SEMA3A: variants seen among roughly 807,000 people sequenced by gnomAD.
SEMA3A encodes semaphorin-3A.
In SEMA3A, 29 loss-of-function variants were observed where a neutral mutation model predicts 97.9. The observed-to-expected ratio is 0.30, with a 90% CI of 0.22 to 0.40. The LOEUF is 0.40. SEMA3A is among the 10% of genes least tolerant of loss of function. The pLI, the probability that SEMA3A is intolerant of heterozygous loss-of-function variation, is 1.00. For synonymous variants in SEMA3A, 321 were observed against 323.7 expected (o/e 0.99, Z 0.09); for missense variants, 763 against 951.3 (o/e 0.80, Z 2.60).
intron 2 of SEMA3A, among the ~76,000 whole-genome samples, chr7:84,317,891 T>C (rs868692507): frequency 1.2e-4 from 18 of 152,188 alleles, no homozygotes; most frequent in South Asian, 2.1e-4. Context: ...TAAGGTATAT[T>C]TGTTTCTTAA....
intron 5 of SEMA3A, among the ~76,000 whole-genome samples, chr7:84,049,878 C>A (rs530993263): frequency 8.4e-6 from 1 of 119,688 alleles, no homozygotes; most frequent in East Asian, 2.8e-4. Context: ...CCCCACCCCA[C>A]CACAGTCCCC....
At chr7:84,449,668 T>C (rs998512676) in intron 1 of SEMA3A, among the ~76,000 whole-genome samples, 4 of 152,088 alleles carry the variant, frequency 2.6e-5, no homozygotes, top group Admixed American at 1.3e-4. Context: ...CAAATATACG[T>C]TGAGTATATT....
At position 84,031,554 on chromosome 7, in the gene SEMA3A, C is replaced by A. The variant is rs539059842; in HGVS notation, c.667+14770G>T. Among the ~76,000 whole-genome samples, 7 of 152,078 alleles carry A rather than the reference C, an allele frequency of 4.6e-5. No individual in the cohort carries two copies. The East Asian group carries it at 9.7e-4, about 21-fold the overall frequency. On this transcript the variant is annotated intron_variant, in intron 6 of 16. Coordinates refer to ENST00000265362, the MANE Select transcript of SEMA3A (RefSeq NM_006080.3). ...TGTTTTTTGTATTAAAGTGTCCTGG[C>A]TGGGTGCGGTGGCTCACGCCTGTAA... is the stretch of plus-strand genomic sequence containing the variant.
intron 1 of SEMA3A, among the ~76,000 whole-genome samples, chr7:84,193,380 C>T (rs1198082349): frequency 1.3e-5 from 2 of 151,962 alleles, no homozygotes; most frequent in African/African-American, 4.8e-5. Flanking sequence ...GACATCTCTA[C>T]AAATACCTTC....
chr7:84,263,205 AT>A (rs141091082), intron 3 of SEMA3A, among the ~76,000 whole-genome samples: 5,218 of 152,090 alleles, frequency 0.034, 299 homozygotes, highest in African/African-American at 0.12. Context: ...AATACATTGC[AT>A]TTTGTGGATA....
chr7:84,322,004 A>AAACTTATCATGGTGG (rs2115912534), intron 2 of SEMA3A, among the ~76,000 whole-genome samples: 1 of 151,872 alleles, frequency 6.6e-6, no homozygotes, highest in African/African-American at 2.4e-5. Context: ...AGGACTCGGA[A>AAACTTATCATGGTGG]AACTTATCAT....
intron 3 of SEMA3A, among the ~76,000 whole-genome samples, chr7:84,289,264 C>G (rs1800678257): frequency 6.6e-6 from 1 of 152,026 alleles, no homozygotes; most frequent in Non-Finnish European, 1.5e-5. Context: ...TACAAAACTA[C>G]AGTTAGATAG....
chr7:84,229,517 A>C (rs1799069040), intron 3 of SEMA3A, among the ~76,000 whole-genome samples: 1 of 152,136 alleles, frequency 6.6e-6, no homozygotes, highest in Non-Finnish European at 1.5e-5. Context: ...TTTTCCAGAC[A>C]AATTCTTTTA....
chr7:84,303,385 A>C (rs1488252434), intron 3 of SEMA3A, among the ~76,000 whole-genome samples: 1 of 152,142 alleles, frequency 6.6e-6, no homozygotes, highest in Non-Finnish European at 1.5e-5. Flanking sequence ...GGAATTTTTA[A>C]ACAGGGAAAA....
chr7:84,244,136 T>C (rs1326119309), intron 3 of SEMA3A, among the ~76,000 whole-genome samples: 1 of 152,204 alleles, frequency 6.6e-6, no homozygotes, highest in Non-Finnish European at 1.5e-5. Context: ...TGAGTTCAAG[T>C]CCTGAATATC....
rs117889191 is a variant in SEMA3A at position 84,262,921 on chromosome 7, G to C, written c.-83+44286C>G. On this transcript the variant is annotated intron_variant, in intron 3 of 3. Transcript: ENST00000424555. ...CAGGATCAAGCTCAGCAAAAGAACA[G>C]ATATTTCATGGATGACCCATGGAAG... Among the ~76,000 whole-genome samples, 833 of 152,270 alleles carry C rather than the reference G, an allele frequency of 5.5e-3. 4 individuals are homozygous for C. The highest frequency in any genetic ancestry group is 9.1e-3 in the Non-Finnish European group (621 of 68,018).
rs911912600 is a variant in SEMA3A at position 83,956,056 on chromosome 7, T to G, written c.*5315A>C. 4 of 152,132 alleles carry G rather than the reference T, an allele frequency of 2.6e-5. No homozygotes were observed. Among genetic ancestry groups the G allele is most frequent in the African/African-American group, 9.6e-5 (4 of 41,460 alleles). 9.4% of individuals were successfully genotyped at this position (152,132 alleles called of 1,614,324 possible). A position where few individuals can be genotyped will look rare whatever the true frequency, so the allele number is the denominator to read the frequency against. ...ATATTCAAGATGAAGGTGGGTCTCA[T>G]TTTTTAAAAAACTTTTTTGGTTTGT... On this transcript the variant is annotated 3_prime_UTR_variant, in exon 17 of 17. Coordinates refer to ENST00000265362, the MANE Select transcript of SEMA3A (RefSeq NM_006080.3).
intron 2 of SEMA3A, among the ~76,000 whole-genome samples, chr7:84,362,597 T>C (rs1452452790): frequency 6.6e-6 from 1 of 151,948 alleles, no homozygotes; most frequent in African/African-American, 2.4e-5. Context: ...CTTGTAAAAC[T>C]TTACAACTTT....
chr7:84,011,165 T>G lies in SEMA3A; in HGVS notation c.925+18A>C. 6.2e-7 allele frequency: 1 copy of G among 1,607,104 alleles called. No homozygotes were observed. The highest frequency in any genetic ancestry group is 8.5e-7 in the Non-Finnish European group (1 of 1,173,738). ...AGTCTGAACAAATATTCTCTATACA[T>G]AAACACTAGCTTCTTACGCAGTTCA... On this transcript the variant is annotated intron_variant, in intron 8 of 16. Transcript: ENST00000265362.
chr7:84,328,907 T>C (rs1801837941), intron 2 of SEMA3A, among the ~76,000 whole-genome samples: 1 of 152,052 alleles, frequency 6.6e-6, no homozygotes, highest in Non-Finnish European at 1.5e-5. Flanking sequence ...TAATTTCAAC[T>C]TCCTCTCACA....
intron 2 of SEMA3A, among the ~76,000 whole-genome samples, chr7:84,370,833 T>C (rs1802955251): frequency 6.6e-6 from 1 of 151,556 alleles, no homozygotes; most frequent in East Asian, 1.9e-4. Flanking sequence ...TAATATAGCA[T>C]GTTCTAAGGC....
chr7:84,351,228 C>T (rs1417764458), intron 2 of SEMA3A, among the ~76,000 whole-genome samples: 1 of 152,050 alleles, frequency 6.6e-6, no homozygotes, highest in Non-Finnish European at 1.5e-5. Context: ...TCTCAGTACT[C>T]CTTCCCGTCT....
At chr7:84,357,705 C>A (rs933915827) in intron 2 of SEMA3A, among the ~76,000 whole-genome samples, 3 of 151,752 alleles carry the variant, frequency 2.0e-5, no homozygotes, top group African/African-American at 7.3e-5. Flanking sequence ...CCTGAGGAAT[C>A]GCCACACTGT....
intron 1 of SEMA3A, among the ~76,000 whole-genome samples, chr7:84,143,644 C>A (rs1206709705): frequency 6.6e-6 from 1 of 151,322 alleles, no homozygotes; most frequent in Non-Finnish European, 1.5e-5. Flanking sequence ...TTGCTTGAGA[C>A]CAGGAGTTCC....
Sources: gnomAD v4.1 joint callset for allele counts (sites outside exome capture counted in the v4.1 genomes callset) on GRCh38, gnomAD v4.1.1 for gene constraint, MANE v1.5 for transcripts, NCBI Gene and HGNC (gene_info 2026-07-23, HGNC 2026-07-21) for gene names.